FOXP1: variants seen among roughly 807,000 people sequenced by gnomAD.
The protein encoded by FOXP1 is forkhead box P1, also known as forkhead box protein P1.
FOXP1 carries 15 observed loss-of-function variants against 98.2 expected under a neutral mutation model. The observed-to-expected ratio is 0.15, with a 90% CI of 0.10 to 0.24. The LOEUF is 0.24. Among genes scored for constraint, FOXP1 ranks in the 10% least tolerant of loss-of-function variants. The pLI, the probability that FOXP1 is intolerant of heterozygous loss-of-function variation, is 1.00. For missense variants in FOXP1, 633 were observed against 848.5 expected (o/e 0.75, Z 3.15); for synonymous variants, 371 against 314.5 (o/e 1.18, Z -1.90).
chr3:71,151,624 G>A (rs191596025), intron 6 of FOXP1, among the ~76,000 whole-genome samples: 68 of 150,198 alleles, frequency 4.5e-4, no homozygotes, highest in African/African-American at 1.6e-3. Context: ...TTGGCAAAAT[G>A]AACTCCCTTT....
Position 71,447,926 on chromosome 3 carries a change from G to A in FOXP1, c.-168+45500C>T, listed in dbSNP as rs1375804314. On this transcript the variant is annotated intron_variant, in intron 3 of 20. Coordinates refer to ENST00000649528, the MANE Select transcript of FOXP1 (RefSeq NM_001349338.3). ...ATCAGCCAGAGACAAGTGTAGACAC[G>A]TTCAGAGAGAAGAACCTCAAATGAC... 2.0e-5 allele frequency among the ~76,000 whole-genome samples: 3 copies of A among 152,096 alleles called. No individual in the cohort carries two copies. In the South Asian group the frequency reaches 6.2e-4, roughly 31 times the overall value.
intron 13 of FOXP1, among the ~76,000 whole-genome samples, chr3:70,997,918 T>C (rs1333818523): frequency 6.6e-6 from 1 of 152,180 alleles, no homozygotes; most frequent in East Asian, 1.9e-4. Context: ...AAAGAATGAA[T>C]TACTATCCCT....
At chr3:71,203,715 G>T (rs1317150986) in intron 5 of FOXP1, among the ~76,000 whole-genome samples, 1 of 152,186 alleles carries the variant, frequency 6.6e-6, no homozygotes, top group Non-Finnish European at 1.5e-5. Flanking sequence ...AAAAGGATGT[G>T]TAAATTAAAC....
intron 3 of FOXP1, among the ~76,000 whole-genome samples, chr3:71,441,830 T>G (rs73837169): frequency 0.026 from 3,920 of 152,232 alleles, 176 homozygotes; most frequent in African/African-American, 0.09. Context: ...CCCTTCAACA[T>G]CTTGGCAGCC....
chr3:71,008,869 A>T (rs1028979909), intron 12 of FOXP1, among the ~76,000 whole-genome samples: 8 of 151,946 alleles, frequency 5.3e-5, no homozygotes, highest in African/African-American at 1.9e-4. Flanking sequence ...GGGAAAAAAA[A>T]ATATGCTTCA....
chr3:70,962,132 T>G (rs2033687790), intron 20 of FOXP1, among the ~76,000 whole-genome samples: 1 of 152,246 alleles, frequency 6.6e-6, no homozygotes, highest in African/African-American at 2.4e-5. Context: ...TTTTAAATAT[T>G]GTAAATTCAG....
intron 6 of FOXP1, among the ~76,000 whole-genome samples, chr3:71,142,413 A>C (rs1007907481): frequency 2.6e-5 from 4 of 152,152 alleles, no homozygotes; most frequent in African/African-American, 9.7e-5. Flanking sequence ...GAAGAAAGGG[A>C]GATTATCTGA....
intron 6 of FOXP1, among the ~76,000 whole-genome samples, chr3:71,162,440 T>C (rs916102624): frequency 2.6e-5 from 4 of 152,220 alleles, no homozygotes; most frequent in Admixed American, 2.6e-4. Flanking sequence ...AGTTTTATTC[T>C]GACTGAAGGG....
At position 71,027,969 on chromosome 3, in the gene FOXP1, T is replaced by C. The variant is rs138929975; in HGVS notation, c.870-12316A>G. Among the ~76,000 whole-genome samples, 164 of 152,238 alleles carry C rather than the reference T, an allele frequency of 1.1e-3. 5 individuals carry two copies. The East Asian group carries it at 0.019, about 18-fold the overall frequency. The stretch of plus-strand genomic sequence containing the variant: ...CTCTAGTTGGGGAGACAGTGATAAC[T>C]GAACAGATGGCTGGAACATAAAGTA... On this transcript the variant is annotated intron_variant, in intron 11 of 20. Coordinates refer to ENST00000649528, the MANE Select transcript of FOXP1 (RefSeq NM_001349338.3).
At chr3:71,216,565 A>G (rs2064948739) in intron 5 of FOXP1, among the ~76,000 whole-genome samples, 1 of 152,146 alleles carries the variant, frequency 6.6e-6, no homozygotes, top group African/African-American at 2.4e-5. Flanking sequence ...TGGGGCTCCT[A>G]CTTTGATTTT....
intron 7 of FOXP1, among the ~76,000 whole-genome samples, chr3:71,111,046 T>C (rs1370819588): frequency 2.0e-5 from 3 of 152,204 alleles, no homozygotes; most frequent in Non-Finnish European, 4.4e-5. Context: ...GTTTCCCAAG[T>C]ACATGTAGAA....
At chr3:71,531,431 A>C (rs983910681) in intron 2 of FOXP1, among the ~76,000 whole-genome samples, 2 of 152,188 alleles carry the variant, frequency 1.3e-5, no homozygotes, top group Non-Finnish European at 2.9e-5. Context: ...CTCAACAGGA[A>C]AAGACCTCAG....
intron 17 of FOXP1, among the ~76,000 whole-genome samples, chr3:70,976,010 C>G (rs1234042207): frequency 2.0e-5 from 3 of 150,246 alleles, no homozygotes; most frequent in Admixed American, 2.0e-4. Flanking sequence ...AGTTCGAAAT[C>G]TACTTTTCTT....
At chr3:71,376,881 A>C (rs1577201776) in intron 3 of FOXP1, among the ~76,000 whole-genome samples, 1 of 152,216 alleles carries the variant, frequency 6.6e-6, no homozygotes, top group Non-Finnish European at 1.5e-5. Context: ...GGGTATACAA[A>C]GAAGCAAAGA....
At chr3:71,381,016 A>G (rs941128680) in intron 3 of FOXP1, among the ~76,000 whole-genome samples, 4 of 152,258 alleles carry the variant, frequency 2.6e-5, no homozygotes, top group Admixed American at 6.5e-5. Context: ...AAATAAGAGT[A>G]GCACAAATGA....
chr3:71,203,832 C>A lies in FOXP1; in HGVS notation c.-11-5440G>T, dbSNP rs1202372432. Reference sequence around the variant, plus strand: ...TAGAGTAATTACACAGTCCACCCCCCATCCGAAAAGAAAAATTCTCTTTCT... The same window carrying A: ...TAGAGTAATTACACAGTCCACCCCCAATCCGAAAAGAAAAATTCTCTTTCT... On this transcript the variant is annotated intron_variant, in intron 5 of 20. Transcript: ENST00000649528. Among the ~76,000 whole-genome samples, 6 of 152,076 alleles carry A rather than the reference C, an allele frequency of 3.9e-5. No homozygotes were observed. In the South Asian group the frequency reaches 1.0e-3, roughly 26 times the overall value.
At chr3:71,144,265 G>C (rs1256317763) in intron 6 of FOXP1, among the ~76,000 whole-genome samples, 2 of 152,180 alleles carry the variant, frequency 1.3e-5, no homozygotes, top group African/African-American at 2.4e-5. Context: ...ATCCTCACTA[G>C]TGTATGTACT....
chr3:71,286,768 C>A (rs1011084718), intron 5 of FOXP1, among the ~76,000 whole-genome samples: 13 of 152,194 alleles, frequency 8.5e-5, no homozygotes, highest in African/African-American at 1.2e-4. Context: ...AAAGTTGATA[C>A]AAACTCTACC....
intron 2 of FOXP1, among the ~76,000 whole-genome samples, chr3:71,541,537 A>G (rs1349893159): frequency 6.6e-6 from 1 of 152,238 alleles, no homozygotes; most frequent in Non-Finnish European, 1.5e-5. Context: ...CTGGCTCTTC[A>G]GAACAAAGTC....
Sources: gnomAD v4.1 joint callset for allele counts (sites outside exome capture counted in the v4.1 genomes callset) on GRCh38, gnomAD v4.1.1 for gene constraint, MANE v1.5 for transcripts, NCBI Gene and HGNC (gene_info 2026-07-23, HGNC 2026-07-21) for gene names.